SEL1L2: variants seen among roughly 807,000 people sequenced by gnomAD.
The protein encoded by SEL1L2 is SEL1L2 adaptor subunit of SYVN1 ubiquitin ligase.
In SEL1L2, 89 loss-of-function variants were observed where a neutral mutation model predicts 98.8. That is an observed-to-expected ratio of 0.90 (90% CI 0.76 to 1.07). The LOEUF (loss-of-function observed/expected upper bound fraction) is 1.07, where lower values mean the gene tolerates loss of function less well. SEL1L2 is among the 50% of genes least tolerant of loss of function. SEL1L2 has a pLI of 0.00. For synonymous variants in SEL1L2, 262 were observed against 278.5 expected (o/e 0.94, Z 0.59); for missense variants, 788 against 812.0 (o/e 0.97, Z 0.36).
intron 5 of SEL1L2, among the ~76,000 whole-genome samples, chr20:13,896,723 G>A (rs2047443911): frequency 6.6e-6 from 1 of 152,088 alleles, no homozygotes; most frequent in Non-Finnish European, 1.5e-5. Context: ...GACTTTTACA[G>A]AAATCACTAC....
chr20:13,886,341 C>T lies in SEL1L2; in HGVS notation c.847G>A (p.Asp283Asn). The stretch of plus-strand genomic sequence containing the variant: ...AAAAATTTATAGTATTGGTATATGT[C>T]CCAATCCAAAATCTCACTGTTAGAA... Reference protein sequence around the residue: ...LSSNSEILDWDIYQYYKFLAE... With the variant: ...LSSNSEILDWNIYQYYKFLAE... Residue 283 changes from aspartate (D) to asparagine (N), a missense_variant, in exon 9 of 20, where the codon GAC (aspartate) becomes AAC (asparagine). Transcript: ENST00000284951. The T allele has an allele frequency of 6.2e-7, 1 of 1,612,592 alleles. No individual in the cohort carries two copies. The highest frequency in any genetic ancestry group is 8.5e-7 in the Non-Finnish European group (1 of 1,178,690).
upstream of SEL1L2, among the ~76,000 whole-genome samples, chr20:13,992,232 C>T (rs560640433): frequency 7.9e-5 from 12 of 151,406 alleles, no homozygotes; most frequent in African/African-American, 2.2e-4. Flanking sequence ...GGCTGGGTGC[C>T]GTGGTTCATG....
At chr20:13,912,991 G>A (rs2048266596) in intron 5 of SEL1L2, among the ~76,000 whole-genome samples, 1 of 152,168 alleles carries the variant, frequency 6.6e-6, no homozygotes, top group South Asian at 2.1e-4. Flanking sequence ...AGGTGAAAGG[G>A]TTTTGTTAAG....
chr20:13,866,935 C>T (rs1008201975), intron 14 of SEL1L2, 85 bp from the exon 15 acceptor site: 6 of 1,259,040 alleles, frequency 4.8e-6, no homozygotes, highest in Non-Finnish European at 4.2e-6. Flanking sequence ...CATAGTGATG[C>T]CTGCTATTTA....
intron 2 of SEL1L2, among the ~76,000 whole-genome samples, chr20:13,936,884 C>G (rs2049479575): frequency 6.6e-6 from 1 of 152,172 alleles, no homozygotes; most frequent in South Asian, 2.1e-4. Context: ...TTGCCCAACT[C>G]AAACCTTCAG....
At chr20:13,929,246 C>T (rs1037295117) in intron 3 of SEL1L2, among the ~76,000 whole-genome samples, 1 of 150,386 alleles carries the variant, frequency 6.6e-6, no homozygotes, top group Non-Finnish European at 1.5e-5. Context: ...TAAGTATAGA[C>T]ATCTCCTACT....
chr20:13,914,093 AT>A, intron 4 of SEL1L2, 149 bp from the exon 5 acceptor site: 5 of 627,084 alleles, frequency 8.0e-6, no homozygotes, highest in Non-Finnish European at 7.8e-6. Flanking sequence ...AGATCAGTAG[AT>A]TTTTTTCATT....
chr20:13,987,732 G>A (rs2052301545), intron 1 of SEL1L2, among the ~76,000 whole-genome samples: 1 of 152,108 alleles, frequency 6.6e-6, no homozygotes, highest in African/African-American at 2.4e-5. Context: ...TTTCCCTAAT[G>A]ACCAATGATG....
rs151137058 is a variant in SEL1L2, at chr20:13,891,744, T to C, written c.550-3232A>G. ...ATTTGGTGAAAGTGTCCTTCAAAAA[T>C]GAAAGAAGAATAAAGCCCTTCCCAG... On this transcript the variant is annotated intron_variant, in intron 5 of 19. Transcript: ENST00000284951. Among the ~76,000 whole-genome samples, 45 of 139,414 alleles carry C rather than the reference T, an allele frequency of 3.2e-4. 1 individual carries two copies. The East Asian group carries it at 9.2e-3, about 29-fold the overall frequency. 91.5% of individuals were successfully genotyped at this position (139,414 alleles called of 152,430 possible). A position where few individuals can be genotyped will look rare whatever the true frequency, so the allele number is the denominator to read the frequency against.
Position 13,970,196 on chromosome 20 carries a change from C to T in SEL1L2, c.59-14065G>A, listed in dbSNP as rs145803084. Among the ~76,000 whole-genome samples the T allele has an allele frequency of 5.9e-5, 9 of 152,148 alleles. No homozygotes were observed. The East Asian group carries it at 1.5e-3, about 26-fold the overall frequency. On this transcript the variant is annotated intron_variant, in intron 1 of 19. Transcript: ENST00000284951. ...AATAGAAAACTTAGAGTCAAAGAAT[C>T]GCAAGTTTGGAATTGTCTTCTGACA...
chr20:13,895,530 A>G (rs1416049200), intron 5 of SEL1L2, among the ~76,000 whole-genome samples: 4 of 152,196 alleles, frequency 2.6e-5, no homozygotes, highest in African/African-American at 9.6e-5. Context: ...TGGATAAAAA[A>G]TATTTGAAAA....
At chr20:13,891,192 G>C (rs1197543371) in intron 5 of SEL1L2, among the ~76,000 whole-genome samples, 1 of 151,666 alleles carries the variant, frequency 6.6e-6, no homozygotes, top group African/African-American at 2.4e-5. Flanking sequence ...AACCCGAAGA[G>C]CCCCAAACCA....
At chr20:13,937,663 C>T (rs1214473223) in intron 2 of SEL1L2, among the ~76,000 whole-genome samples, 1 of 152,206 alleles carries the variant, frequency 6.6e-6, no homozygotes, top group East Asian at 1.9e-4. Context: ...GTTCTGCATT[C>T]TCTAAAGCTG....
chr20:13,928,644 A>G (rs373112089), intron 3 of SEL1L2, among the ~76,000 whole-genome samples: 64 of 152,348 alleles, frequency 4.2e-4, no homozygotes, highest in African/African-American at 1.3e-3. Context: ...TAACAAGAAC[A>G]TGGGTAAAAG....
At chr20:13,876,405 T>TC (rs2046430903) in intron 11 of SEL1L2, among the ~76,000 whole-genome samples, 1 of 106,040 alleles carries the variant, frequency 9.4e-6, no homozygotes, top group Non-Finnish European at 1.8e-5. Flanking sequence ...TCTCTCTCTC[T>TC]CTTTTTTTTT....
chr20:13,970,659 AT>A (rs1490230818), intron 1 of SEL1L2, among the ~76,000 whole-genome samples: 3 of 151,886 alleles, frequency 2.0e-5, no homozygotes, highest in Non-Finnish European at 4.4e-5. Context: ...ATGGTGAAAC[AT>A]TGTCTCTACT....
intron 5 of SEL1L2, among the ~76,000 whole-genome samples, chr20:13,890,933 C>T (rs1462929508): frequency 6.6e-6 from 1 of 151,860 alleles, no homozygotes; most frequent in Non-Finnish European, 1.5e-5. Context: ...CAAACATGAA[C>T]ATAGGTCATT....
intron 5 of SEL1L2, among the ~76,000 whole-genome samples, chr20:13,912,492 T>C (rs1191598763): frequency 2.6e-5 from 4 of 152,082 alleles, no homozygotes; most frequent in Non-Finnish European, 4.4e-5. Flanking sequence ...AGACGGGGTT[T>C]CACCATGTTG....
intron 5 of SEL1L2, among the ~76,000 whole-genome samples, chr20:13,903,852 G>A (rs1166037275): frequency 6.6e-6 from 1 of 152,102 alleles, no homozygotes; most frequent in Non-Finnish European, 1.5e-5. Flanking sequence ...AGGGTCACGA[G>A]GAGAATCCCG....
Sources: gnomAD v4.1 joint callset for allele counts (sites outside exome capture counted in the v4.1 genomes callset) on GRCh38, gnomAD v4.1.1 for gene constraint, MANE v1.5 for transcripts, NCBI Gene and HGNC (gene_info 2026-07-23, HGNC 2026-07-21) for gene names.